PRR14L: variants seen among roughly 807,000 people sequenced by gnomAD.
PRR14L encodes the protein protein PRR14L.
A neutral mutation model predicts 155.0 loss-of-function variants in PRR14L; 80 were observed. That is an observed-to-expected ratio of 0.52 (90% CI 0.43 to 0.62). The LOEUF (loss-of-function observed/expected upper bound fraction) is 0.62, where lower values mean the gene tolerates loss of function less well. Among genes scored for constraint, PRR14L ranks in the 20% least tolerant of loss-of-function variants. The pLI, the probability that PRR14L is intolerant of heterozygous loss-of-function variation, is 0.00. For missense variants in PRR14L, 2,469 were observed against 2,548.0 expected (o/e 0.97, Z 0.67); for synonymous variants, 883 against 916.0 (o/e 0.96, Z 0.65).
intron 4 of PRR14L, among the ~76,000 whole-genome samples, chr22:31,708,032 C>T (rs553895987): frequency 6.6e-6 from 1 of 151,900 alleles, no homozygotes; most frequent in Admixed American, 6.6e-5. Flanking sequence ...GCCTGCAATC[C>T]CAGCTACTCA....
At chr22:31,718,565 T>C (rs1421611993) in intron 3 of PRR14L, among the ~76,000 whole-genome samples, 1 of 145,932 alleles carries the variant, frequency 6.9e-6, no homozygotes, top group African/African-American at 2.7e-5. Context: ...GCCCAGCTAA[T>C]TTTTTTGTAT....
Position 31,716,579 on chromosome 22 carries a change from T to C in PRR14L, c.1260A>G (p.Pro420=), listed in dbSNP as rs1343507570. The change falls in exon 4 of 9, where the codon CCA becomes CCG. Residue 420 remains proline, a synonymous_variant. Coordinates refer to ENST00000327423, the MANE Select transcript of PRR14L (RefSeq NM_173566.3). Reference sequence around the variant, plus strand: ...AACAACGACCACTAATCTCCTTTTCTGGTTCCCTGGCATTAAAAAGAAAAG... The same window carrying C: ...AACAACGACCACTAATCTCCTTTTCCGGTTCCCTGGCATTAAAAAGAAAAG... The part of the protein sequence containing the change: ...GGPFLFNARE[P]EKEISGRCSG... 6.5e-7 allele frequency: 1 copy of C among 1,548,902 alleles called. No individual in the cohort carries two copies. The highest frequency in any genetic ancestry group is 1.4e-5 in the African/African-American group (1 of 72,754).
chr22:31,688,027 C>CAAA (rs77978141), intron 8 of PRR14L, 129 bp downstream of exon 8: 63 of 580,968 alleles, frequency 1.1e-4, no homozygotes, highest in Admixed American at 1.4e-4. Context: ...GACTCTGTCT[C>CAAA]AAAAAAAAAA....
At chr22:31,724,623 C>T (rs1024449636) in intron 3 of PRR14L, among the ~76,000 whole-genome samples, 3 of 152,178 alleles carry the variant, frequency 2.0e-5, no homozygotes, top group Admixed American at 1.3e-4. Flanking sequence ...ATCTCAAACT[C>T]TTGGACTTAA....
rs1208151171 is a variant in PRR14L at position 31,685,308 on chromosome 22, A to G, written c.*219T>C. 1.9e-5 allele frequency: 10 copies of G among 540,156 alleles called. No homozygotes were observed. The highest frequency in any genetic ancestry group is 3.3e-5 in the Non-Finnish European group (10 of 305,692). 33.5% of individuals were successfully genotyped at this position (540,156 alleles called of 1,614,324 possible). On this transcript the variant is annotated 3_prime_UTR_variant, in exon 9 of 9. Coordinates refer to ENST00000327423, the MANE Select transcript of PRR14L (RefSeq NM_173566.3). ...AGAAAGGGAGCATTCCTGAGGTTCT[A>G]TACTCAGCAGTAAAAGTAGAGGACC...
At chr22:31,711,926 A>G (rs555623721) in intron 4 of PRR14L, among the ~76,000 whole-genome samples, 157 bp downstream of exon 4, 2 of 152,238 alleles carry the variant, frequency 1.3e-5, no homozygotes, top group East Asian at 3.9e-4. Flanking sequence ...AAGAATTACT[A>G]TTGGATTTTT....
chr22:31,737,638 A>AT (rs398036897), intron 2 of PRR14L, among the ~76,000 whole-genome samples: 2 of 151,566 alleles, frequency 1.3e-5, no homozygotes, highest in Non-Finnish European at 2.9e-5. Flanking sequence ...AAAAAAAAAA[A>AT]GAAGAAAAAA....
chr22:31,716,451 G>T lies in PRR14L; in HGVS notation c.1388C>A (p.Ser463Tyr). ...TGNSSSLMPN[S>Y]FTEATEVMLN... ...CATTACTTCTGTGGCTTCAGTAAAA[G>T]AATTGGGCATTAAAGAACTAGAGTT... The change falls in exon 4 of 9, where the codon TCT (serine) becomes TAT (tyrosine). Residue 463 changes from serine (S) to tyrosine (Y), a missense_variant. Around this residue, in one of 2 missense-constraint regions of PRR14L, gnomAD observed 2,363 missense variants for 2,371.6 expected, o/e 1.00. Transcript: ENST00000327423. 2 of 1,551,194 alleles carry T rather than the reference G, an allele frequency of 1.3e-6. No individual in the cohort carries two copies. The highest frequency in any genetic ancestry group is 1.4e-5 in the African/African-American group (1 of 73,112).
chr22:31,724,460 G>C (rs907950972), intron 3 of PRR14L, among the ~76,000 whole-genome samples: 1 of 152,170 alleles, frequency 6.6e-6, no homozygotes, highest in African/African-American at 2.4e-5. Flanking sequence ...GAGTACAGTG[G>C]TGTGATCACG....
At chr22:31,706,103 G>A (rs936636813) in intron 4 of PRR14L, among the ~76,000 whole-genome samples, 2 of 151,824 alleles carry the variant, frequency 1.3e-5, no homozygotes, top group Admixed American at 6.6e-5. Flanking sequence ...AGGCTGAGGC[G>A]GGTGGATCAC....
At position 31,738,684 on chromosome 22, in the gene PRR14L, C is replaced by A. The variant is rs577711216; in HGVS notation, c.177G>T (p.Gln59His). ...GCAGCTCCAAGGGCAATGCCCTATTCTGACTTAAAAGAGAGCTTGAGGCTC... is the reference window on the plus strand; with the variant it reads ...GCAGCTCCAAGGGCAATGCCCTATTATGACTTAAAAGAGAGCTTGAGGCTC... ...KPGASSSLLSQNRALPLELQR... is the reference protein window; with the variant it reads ...KPGASSSLLSHNRALPLELQR... Residue 59 changes from glutamine to histidine, a missense_variant, in exon 2 of 9, where the codon CAG (glutamine) becomes CAT (histidine). Physicochemically the swap from Gln to His is conservative, Grantham distance 24. Coordinates refer to ENST00000327423, the MANE Select transcript of PRR14L (RefSeq NM_173566.3). The A allele has an allele frequency of 1.9e-6, 3 of 1,551,988 alleles. No homozygotes were observed. The highest frequency in any genetic ancestry group is 3.9e-5 in the Admixed American group (2 of 50,988).
intron 3 of PRR14L, among the ~76,000 whole-genome samples, chr22:31,717,782 A>G (rs777904058): frequency 1.9e-4 from 29 of 152,246 alleles, no homozygotes; most frequent in Non-Finnish European, 3.2e-4. Flanking sequence ...TTTTTTTCAG[A>G]CAGAGTCTTG....
chr22:31,729,171 G>T (rs370466773), intron 2 of PRR14L, among the ~76,000 whole-genome samples: 2 of 152,070 alleles, frequency 1.3e-5, no homozygotes, highest in African/African-American at 2.4e-5. Flanking sequence ...CCCTCAGCAG[G>T]GTGATCTTGA....
chr22:31,748,874 T>C lies in PRR14L; in HGVS notation c.-52+1119A>G, dbSNP rs74714756. On this transcript the variant is annotated intron_variant, in intron 1 of 8. Transcript: ENST00000327423. ...TTTCAGTGAGGCCCTCTTTGTTAAT[T>C]TGGGAAAGTATTGAACAGCAGGATC... is the stretch of plus-strand genomic sequence containing the variant. Among the ~76,000 whole-genome samples, 367 of 152,224 alleles carry C rather than the reference T, an allele frequency of 2.4e-3. 1 individual carries two copies. Among genetic ancestry groups the C allele is most frequent in the African/African-American group, 8.4e-3 (350 of 41,532 alleles).
chr22:31,740,118 T>C (rs755139995), intron 1 of PRR14L, among the ~76,000 whole-genome samples: 2 of 152,142 alleles, frequency 1.3e-5, no homozygotes, highest in African/African-American at 4.8e-5. Flanking sequence ...TAGAGTACCA[T>C]GGTGCAATCG....
intron 1 of PRR14L, 128 bp from the exon 2 acceptor site, chr22:31,739,039 A>G: frequency 1.9e-6 from 1 of 531,810 alleles, no homozygotes; most frequent in Non-Finnish European, 3.3e-6. Flanking sequence ...ATCTGGCACC[A>G]AAAATTTCTC....
At chr22:31,718,563 A>G (rs570724506) in intron 3 of PRR14L, among the ~76,000 whole-genome samples, 88 of 146,532 alleles carry the variant, frequency 6.0e-4, no homozygotes, top group African/African-American at 2.1e-3. Flanking sequence ...CTGCCCAGCT[A>G]ATTTTTTTGT....
At chr22:31,702,544 C>T (rs1250678146) in intron 6 of PRR14L, among the ~76,000 whole-genome samples, 1 of 151,792 alleles carries the variant, frequency 6.6e-6, no homozygotes, top group East Asian at 1.9e-4. Flanking sequence ...GAGATGGAGT[C>T]TCACTCTGCC....
intron 6 of PRR14L, among the ~76,000 whole-genome samples, chr22:31,702,053 G>A (rs1022545771): frequency 6.6e-6 from 1 of 152,074 alleles, no homozygotes; most frequent in Admixed American, 6.6e-5. Context: ...TTTTGCCTCA[G>A]CCTCTGCGGT....
Sources: gnomAD v4.1 joint callset for allele counts (sites outside exome capture counted in the v4.1 genomes callset) on GRCh38, gnomAD v4.1.1 for gene constraint, gnomAD v4.1.1 regional missense constraint, MANE v1.5 for transcripts, NCBI Gene and HGNC (gene_info 2026-07-23, HGNC 2026-07-21) for gene names.